The following PDE4D variants were observed in gnomAD, a reference collection of about 807,000 sequenced individuals.
PDE4D encodes phosphodiesterase 4D.
A neutral mutation model predicts 87.4 loss-of-function variants in PDE4D; 24 were observed. The observed-to-expected ratio is 0.27, with a 90% CI of 0.20 to 0.39. PDE4D has a LOEUF of 0.39. Ranked by LOEUF, PDE4D falls within the 10% of genes least tolerant of loss-of-function variation. The probability of loss-of-function intolerance (pLI) is 1.00; values close to 1 mark genes in which losing one functional copy is unlikely to be tolerated. For missense variants in PDE4D, 714 were observed against 1,041.0 expected, an observed-to-expected ratio of 0.69 and a Z score of 4.32; for synonymous variants, 384 against 383.2, an observed-to-expected ratio of 1.00 and a Z score of -0.02.
chr5:60,114,229 T>C (rs1777935309), intron 2 of PDE4D, among the ~76,000 whole-genome samples: 1 of 152,134 alleles, frequency 6.6e-6, no homozygotes. Flanking sequence ...GATATCCATG[T>C]ATTTATTTTT....
intron 1 of PDE4D, among the ~76,000 whole-genome samples, chr5:60,194,735 A>G (rs1388262347): frequency 6.6e-6 from 1 of 151,644 alleles, no homozygotes; most frequent in Non-Finnish European, 1.5e-5. Context: ...CGCCACATAC[A>G]TATCTCATAC....
chr5:59,408,727 C>T (rs1264097934), intron 1 of PDE4D, among the ~76,000 whole-genome samples: 1 of 152,172 alleles, frequency 6.6e-6, no homozygotes, highest in East Asian at 1.9e-4. Flanking sequence ...ATCAGTGTGA[C>T]CTGGATGTGG....
intron 1 of PDE4D, among the ~76,000 whole-genome samples, chr5:59,384,687 T>G (rs1351832075): frequency 6.6e-6 from 1 of 152,160 alleles, no homozygotes; most frequent in Non-Finnish European, 1.5e-5. Context: ...ACTATATATA[T>G]TCATTGTGAA....
intron 1 of PDE4D, among the ~76,000 whole-genome samples, chr5:60,214,063 A>G (rs1743562810): frequency 6.6e-6 from 1 of 152,180 alleles, no homozygotes; most frequent in Admixed American, 6.5e-5. Context: ...CAATTTACGA[A>G]CCATTGCAGA....
At chr5:59,103,954 G>T (rs977758672) in intron 5 of PDE4D, among the ~76,000 whole-genome samples, 1 of 152,178 alleles carries the variant, frequency 6.6e-6, no homozygotes. Flanking sequence ...CACAGCCGTG[G>T]TTTGCATATC....
At chr5:60,388,733 A>G (rs1762369345) in intron 1 of PDE4D, among the ~76,000 whole-genome samples, 1 of 152,228 alleles carries the variant, frequency 6.6e-6, no homozygotes, top group Non-Finnish European at 1.5e-5. Context: ...GGAGGACAGG[A>G]GAAGGTTAGA....
intron 1 of PDE4D, among the ~76,000 whole-genome samples, chr5:59,398,167 A>T (rs960125569): frequency 3.5e-5 from 5 of 143,496 alleles, no homozygotes; most frequent in African/African-American, 5.3e-5. Flanking sequence ...AGGAACTGGT[A>T]CCATTCCTTC....
chr5:59,267,510 A>AT (rs962010836), intron 1 of PDE4D, among the ~76,000 whole-genome samples: 9 of 152,098 alleles, frequency 5.9e-5, no homozygotes, highest in Non-Finnish European at 1.2e-4. Context: ...TGAAACATTT[A>AT]TTTTAACAAG....
chr5:60,154,679 A>G (rs949580854), intron 2 of PDE4D, among the ~76,000 whole-genome samples: 7 of 152,230 alleles, frequency 4.6e-5, no homozygotes, highest in Non-Finnish European at 8.8e-5. Context: ...CACCCTGATC[A>G]AAAAGCAGCA....
At chr5:59,328,045 T>C (rs1456017123) in intron 1 of PDE4D, among the ~76,000 whole-genome samples, 2 of 152,198 alleles carry the variant, frequency 1.3e-5, no homozygotes, top group Non-Finnish European at 2.9e-5. Context: ...ATAGCACATG[T>C]GGTCCAAGAT....
intron 1 of PDE4D, among the ~76,000 whole-genome samples, chr5:60,280,042 A>G (rs904255302): frequency 6.6e-6 from 1 of 152,098 alleles, no homozygotes; most frequent in African/African-American, 2.4e-5. Flanking sequence ...AACCCAGGGC[A>G]CTCCAGGCTG....
At chr5:59,421,777 A>T (rs1283711812) in intron 1 of PDE4D, among the ~76,000 whole-genome samples, 1 of 152,132 alleles carries the variant, frequency 6.6e-6, no homozygotes, top group Admixed American at 6.5e-5. Context: ...TAAAGAACTC[A>T]TTGCCTGCTA....
intron 1 of PDE4D, among the ~76,000 whole-genome samples, chr5:59,790,628 C>A (rs551524089): frequency 6.6e-6 from 1 of 152,160 alleles, no homozygotes; most frequent in Non-Finnish European, 1.5e-5. Context: ...CGTTACTTCT[C>A]ATTTTCTTTC....
chr5:60,008,810 T>G (rs936119098), intron 2 of PDE4D, among the ~76,000 whole-genome samples: 1 of 152,064 alleles, frequency 6.6e-6, no homozygotes, highest in Non-Finnish European at 1.5e-5. Context: ...CAAACAACAT[T>G]AGTTCCTACT....
chr5:59,344,158 G>A (rs1779242193), intron 1 of PDE4D, among the ~76,000 whole-genome samples: 1 of 151,852 alleles, frequency 6.6e-6, no homozygotes, highest in South Asian at 2.1e-4. Context: ...TTTTCACAAG[G>A]GTTATAATAA....
chr5:59,418,395 G>A (rs1176616084), intron 1 of PDE4D, among the ~76,000 whole-genome samples: 1 of 151,938 alleles, frequency 6.6e-6, no homozygotes, highest in East Asian at 1.9e-4. Flanking sequence ...CCACACCTTT[G>A]TGAGATTGTT....
At chr5:59,953,836 A>G (rs1758547548) in intron 3 of PDE4D, among the ~76,000 whole-genome samples, 1 of 152,254 alleles carries the variant, frequency 6.6e-6, no homozygotes, top group Admixed American at 6.5e-5. Flanking sequence ...AAAAAGACTT[A>G]GTAAAGAGGA....
At chr5:60,145,886 G>A (rs1780945165) in intron 2 of PDE4D, among the ~76,000 whole-genome samples, 1 of 152,162 alleles carries the variant, frequency 6.6e-6, no homozygotes, top group South Asian at 2.1e-4. Flanking sequence ...GGTATCTTGT[G>A]ATACATATGT....
intron 1 of PDE4D, among the ~76,000 whole-genome samples, chr5:59,425,207 C>G (rs1840838): frequency 0.93 from 141,467 of 152,224 alleles, 65,926 homozygotes; most frequent in Middle Eastern, 0.98. Context: ...TTATCTTGTG[C>G]TTACCACAAG....
Sources: allele counts gnomAD v4.1 joint callset (sites outside exome capture counted in the v4.1 genomes callset), GRCh38; gene constraint gnomAD v4.1.1; transcripts MANE v1.5; gene names NCBI Gene and HGNC (gene_info 2026-07-23, HGNC 2026-07-21).